The following CSMD1 variants were observed in gnomAD, a reference collection of about 807,000 sequenced individuals.
CSMD1 encodes the protein CUB and sushi domain-containing protein 1.
Under a neutral mutation model 417.5 loss-of-function variants are expected in CSMD1, and 213 were observed. The ratio of observed to expected loss-of-function variants is 0.51; its 90% CI spans 0.46 to 0.57. The LOEUF (loss-of-function observed/expected upper bound fraction) is 0.57. CSMD1 is among the 20% of genes least tolerant of loss of function. The pLI, the probability that CSMD1 is intolerant of heterozygous loss-of-function variation, is 0.00. For missense variants in CSMD1, 6,923 were observed against 4,529.7 expected, an observed-to-expected ratio of 1.53 and a Z score of -15.17; for synonymous variants, 2,862 against 1,736.8, an observed-to-expected ratio of 1.65 and a Z score of -16.11.
chr8:4,759,883 G>A (rs908592963), intron 1 of CSMD1, among the ~76,000 whole-genome samples: 3 of 152,178 alleles, frequency 2.0e-5, no homozygotes, highest in Non-Finnish European at 4.4e-5. Context: ...AGGCATGCAT[G>A]TGTATTTATA....
intron 3 of CSMD1, among the ~76,000 whole-genome samples, chr8:4,315,312 C>T (rs766318481): frequency 1.3e-5 from 2 of 152,140 alleles, no homozygotes; most frequent in African/African-American, 4.8e-5. Context: ...ACCCTAAGGT[C>T]CACAGCGTCT....
chr8:3,838,063 G>T (rs574158070), intron 5 of CSMD1, among the ~76,000 whole-genome samples: 1 of 152,116 alleles, frequency 6.6e-6, no homozygotes, highest in Admixed American at 6.6e-5. Context: ...ACTTGGAAAC[G>T]GTTGTAGGGC....
rs191901603 is a variant in CSMD1 at position 4,783,486 on chromosome 8, G to C, written c.86-145928C>G. On this transcript the variant is annotated intron_variant, in intron 1 of 69. Coordinates refer to ENST00000635120, the MANE Select transcript of CSMD1 (RefSeq NM_033225.6). ...GAACAATGTATCCAAGATTAAACCG[G>C]AAGTATTGTCATTAAATAAAGAAAA... Among the ~76,000 whole-genome samples the C allele has an allele frequency of 3.4e-4, 52 of 152,302 alleles. 1 individual carries two copies. Among genetic ancestry groups the C allele is most frequent in the Middle Eastern group, 3.4e-3 (1 of 294 alleles).
chr8:4,287,312 C>T (rs570796796), intron 3 of CSMD1, among the ~76,000 whole-genome samples: 2 of 152,126 alleles, frequency 1.3e-5, no homozygotes, highest in African/African-American at 4.8e-5. Flanking sequence ...TCAGATAAAT[C>T]AAGCACATCT....
rs1261929645 is a variant in CSMD1, at chr8:2,950,347, T to C, written c.10202-4A>G. Reference sequence around the variant, plus strand: ...GCCTCCTCCTTCTTGTAAATGCCTGTGAAAAGATCAGCAGTTTAGGCTTAC... The same window carrying C: ...GCCTCCTCCTTCTTGTAAATGCCTGCGAAAAGATCAGCAGTTTAGGCTTAC... On this transcript the variant is annotated splice_polypyrimidine_tract_variant and splice_region_variant and intron_variant, in intron 66 of 69. Coordinates refer to ENST00000635120, the MANE Select transcript of CSMD1 (RefSeq NM_033225.6). 2 of 1,582,094 alleles carry C rather than the reference T, an allele frequency of 1.3e-6. No individual in the cohort carries two copies. The highest frequency in any genetic ancestry group is 2.2e-5 in the South Asian group (2 of 90,428).
intron 41 of CSMD1, among the ~76,000 whole-genome samples, chr8:3,132,637 G>C (rs1585430163): frequency 1.3e-5 from 2 of 152,258 alleles, no homozygotes; most frequent in East Asian, 3.9e-4. Context: ...AGATTATTCT[G>C]AGAAACTGCA....
intron 1 of CSMD1, among the ~76,000 whole-genome samples, chr8:4,889,286 T>G (rs1803953226): frequency 6.6e-6 from 1 of 152,068 alleles, no homozygotes; most frequent in Non-Finnish European, 1.5e-5. Flanking sequence ...CTAAATTGAA[T>G]CATGAGGAAA....
At chr8:4,873,108 T>G (rs928126246) in intron 1 of CSMD1, among the ~76,000 whole-genome samples, 1 of 152,068 alleles carries the variant, frequency 6.6e-6, no homozygotes, top group African/African-American at 2.4e-5. Context: ...GTTACCAAAA[T>G]GAAGGTATAT....
chr8:3,994,754 C>G lies in CSMD1; in HGVS notation c.818+3149G>C, dbSNP rs374948707. On this transcript the variant is annotated intron_variant, in intron 5 of 69. Transcript: ENST00000635120. ...CCCTATATTTAGACTGCCTCCACTGCTGCCATGGCAACCCTGACTTAAAAC... is the reference window on the plus strand; with the variant it reads ...CCCTATATTTAGACTGCCTCCACTGGTGCCATGGCAACCCTGACTTAAAAC... Among the ~76,000 whole-genome samples the G allele has an allele frequency of 4.5e-4, 69 of 152,336 alleles. No homozygotes were observed. The East Asian group carries it at 0.012, about 26-fold the overall frequency.
At chr8:4,598,799 G>A in intron 2 of CSMD1, among the ~76,000 whole-genome samples, 1 of 152,092 alleles carries the variant, frequency 6.6e-6, no homozygotes, top group Middle Eastern at 3.4e-3. Flanking sequence ...ACAGAAATAG[G>A]TTGAGTATTA....
intron 3 of CSMD1, among the ~76,000 whole-genome samples, chr8:4,267,939 A>G (rs1192735009): frequency 6.6e-6 from 1 of 152,116 alleles, no homozygotes; most frequent in Non-Finnish European, 1.5e-5. Flanking sequence ...TGCCTCATAT[A>G]TATTCAAACT....
intron 8 of CSMD1, among the ~76,000 whole-genome samples, chr8:3,612,202 A>C (rs1326506915): frequency 2.0e-5 from 3 of 152,152 alleles, no homozygotes; most frequent in African/African-American, 7.2e-5. Flanking sequence ...AATGTTACTC[A>C]GGGTAAAGAA....
chr8:3,789,164 G>A (rs1484299460), intron 5 of CSMD1, among the ~76,000 whole-genome samples: 1 of 152,082 alleles, frequency 6.6e-6, no homozygotes, highest in African/African-American at 2.4e-5. Flanking sequence ...GAGCTTCCTT[G>A]ACCTTTCCAC....
At chr8:2,955,854 T>C (rs654126) in intron 63 of CSMD1, 86 bp from the exon 64 acceptor site, 223,732 of 1,223,038 alleles carry the variant, frequency 0.18, 21,900 homozygotes, top group East Asian at 0.33. Flanking sequence ...TAAAATAGTT[T>C]GGAAATGGTT....
At chr8:3,666,667 T>C (rs1365368769) in intron 7 of CSMD1, among the ~76,000 whole-genome samples, 1 of 152,182 alleles carries the variant, frequency 6.6e-6, no homozygotes, top group Non-Finnish European at 1.5e-5. Context: ...CCCCATACTG[T>C]TCTCATGGTA....
intron 37 of CSMD1, among the ~76,000 whole-genome samples, chr8:3,169,077 C>G (rs1820421565): frequency 6.6e-6 from 1 of 152,228 alleles, no homozygotes; most frequent in Admixed American, 6.5e-5. Flanking sequence ...CACCCACCAA[C>G]AACCTGGACC....
intron 4 of CSMD1, among the ~76,000 whole-genome samples, chr8:4,011,963 A>G (rs1256272874): frequency 6.6e-6 from 1 of 152,096 alleles, no homozygotes; most frequent in Non-Finnish European, 1.5e-5. Context: ...ATTATTTATA[A>G]TACCAAATAT....
chr8:4,715,258 G>C (rs564283440), intron 1 of CSMD1, among the ~76,000 whole-genome samples: 3 of 152,232 alleles, frequency 2.0e-5, no homozygotes, highest in Non-Finnish European at 2.9e-5. Flanking sequence ...ACCTGTGTTT[G>C]GCTCTGACAA....
chr8:3,184,102 T>G (rs1236264663), intron 36 of CSMD1, among the ~76,000 whole-genome samples: 4 of 152,206 alleles, frequency 2.6e-5, no homozygotes, highest in Non-Finnish European at 4.4e-5. Flanking sequence ...GACTGCTGCT[T>G]GCTTTTCTAG....
Sources: allele counts gnomAD v4.1 joint callset (sites outside exome capture counted in the v4.1 genomes callset), GRCh38; gene constraint gnomAD v4.1.1; transcripts MANE v1.5; gene names NCBI Gene and HGNC (gene_info 2026-07-23, HGNC 2026-07-21).